Variants in FGF16 observed in about 807,000 individuals in gnomAD.
FGF16 encodes the protein metacarpal 4-5 fusion.
A neutral mutation model predicts 8.5 loss-of-function variants in FGF16; 2 were observed. That is an observed-to-expected ratio of 0.24 (90% CI 0.10 to 0.75). FGF16 has a LOEUF of 0.75. Among genes scored for constraint, FGF16 ranks in the 30% least tolerant of loss-of-function variants. The pLI is 0.74. For missense variants in FGF16, 79 were observed against 87.4 expected (o/e 0.90, Z 0.38); for synonymous variants, 33 against 34.6 (o/e 0.95, Z 0.16).
At chrX:77,451,166 C>A (rs1557026651) in intron 1 of FGF16, among the ~76,000 whole-genome samples, 2 of 111,708 alleles carry the variant, frequency 1.8e-5, no homozygotes, top group African/African-American at 6.5e-5. Flanking sequence ...TGGACACAAC[C>A]CAAGTGACTT....
Position 77,447,982 on chromosome X carries a change from G to T in FGF16, c.274+34G>T, listed in dbSNP as rs1034195160. 397 of 296,929 alleles carry T rather than the reference G, an allele frequency of 1.3e-3. 1 individual carries two copies. The highest frequency in any genetic ancestry group is 9.9e-3 in the African/African-American group (364 of 36,899). 24.5% of individuals were successfully genotyped at this position (296,929 alleles called of 1,213,427 possible). A position where few individuals can be genotyped will look rare whatever the true frequency, so the allele number is the denominator to read the frequency against. On this transcript the variant is annotated intron_variant, in intron 1 of 2. Transcript: ENST00000439435. ...GCGGTCGGGGGAACGGGAGGCGGGC[G>T]GACGGCGCACTGGGGAGCCCACAGC... is the stretch of plus-strand genomic sequence containing the variant.
At position 77,456,577 on chromosome X, in the gene FGF16, T is replaced by C; in HGVS notation, c.*55T>C. The C allele has an allele frequency of 9.2e-7, 1 of 1,087,667 alleles. No individual in the cohort carries two copies. Among genetic ancestry groups the C allele is most frequent in the South Asian group, 2.0e-5 (1 of 49,577 alleles). 89.6% of individuals were successfully genotyped at this position (1,087,667 alleles called of 1,213,427 possible). A position where few individuals can be genotyped will look rare whatever the true frequency, so the allele number is the denominator to read the frequency against. ...TGTACCCTGGGGCCACGGTTGTCTC[T>C]GCAAGCACTATATTCATAGCTTTTC... On this transcript the variant is annotated 3_prime_UTR_variant, in exon 3 of 3. Coordinates refer to ENST00000439435, the MANE Select transcript of FGF16 (RefSeq NM_003868.3).
At chrX:77,452,342 G>A (rs1224089113) in intron 1 of FGF16, among the ~76,000 whole-genome samples, 2 of 112,744 alleles carry the variant, frequency 1.8e-5, no homozygotes, top group African/African-American at 6.4e-5. Context: ...CAGTGCAGCT[G>A]AAGATTTGGT....
intron 2 of FGF16, among the ~76,000 whole-genome samples, 173 bp from the exon 3 acceptor site, chrX:77,456,104 A>C (rs2062570930): frequency 8.9e-6 from 1 of 112,485 alleles, no homozygotes; most frequent in African/African-American, 3.2e-5. Flanking sequence ...GGAGATACAG[A>C]CAAGAGTGTT....
chrX:77,454,351 T>G, intron 2 of FGF16, 91 bp downstream of exon 2: 1 of 493,757 alleles, frequency 2.0e-6, no homozygotes, highest in Non-Finnish European at 3.1e-6. Context: ...AGCAAAAGTA[T>G]AAAAATATTT....
At chrX:77,454,054 C>A in intron 1 of FGF16, 103 bp from the exon 2 acceptor site, 1 of 551,313 alleles carries the variant, frequency 1.8e-6, no homozygotes, top group Non-Finnish European at 3.1e-6. Flanking sequence ...GCACACAGGG[C>A]TGGCCTCCAG....
intron 2 of FGF16, among the ~76,000 whole-genome samples, chrX:77,454,904 C>A (rs2062568391): frequency 2.0e-5 from 2 of 100,769 alleles, no homozygotes; most frequent in African/African-American, 7.3e-5. Context: ...TCAAGTGATT[C>A]TCTTGCCTCA....
intron 1 of FGF16, among the ~76,000 whole-genome samples, chrX:77,451,875 A>G (rs1391888797): frequency 1.8e-5 from 2 of 112,436 alleles, no homozygotes; most frequent in African/African-American, 6.5e-5. Flanking sequence ...AATGCACAAG[A>G]ACACAAAATA....
chrX:77,451,376 G>A (rs2062556677), intron 1 of FGF16, among the ~76,000 whole-genome samples: 1 of 112,312 alleles, frequency 8.9e-6, no homozygotes, highest in African/African-American at 3.2e-5. Context: ...AGGGAACTCA[G>A]ACTTGAAGCT....
At chrX:77,449,658 G>T (rs1602276594) in intron 1 of FGF16, among the ~76,000 whole-genome samples, 1 of 111,722 alleles carries the variant, frequency 9.0e-6, no homozygotes, top group Non-Finnish European at 1.9e-5. Context: ...AACCTACAAG[G>T]TCAACATAAA....
At chrX:77,454,892 G>C (rs1557027004) in intron 2 of FGF16, among the ~76,000 whole-genome samples, 1 of 97,960 alleles carries the variant, frequency 1.0e-5, no homozygotes. Flanking sequence ...CACCTCCCCT[G>C]TTCAAGTGAT....
intron 1 of FGF16, among the ~76,000 whole-genome samples, chrX:77,449,697 C>T (rs1293804854): frequency 2.7e-5 from 3 of 111,740 alleles, no homozygotes; most frequent in Non-Finnish European, 3.8e-5. Context: ...GATAAGTGGT[C>T]TTTAATTACC....
At chrX:77,453,444 A>G (rs1277147399) in intron 1 of FGF16, among the ~76,000 whole-genome samples, 2 of 112,333 alleles carry the variant, frequency 1.8e-5, no homozygotes, top group Non-Finnish European at 3.8e-5. Context: ...ACAACATCTC[A>G]AATCAGTATT....
intron 1 of FGF16, among the ~76,000 whole-genome samples, chrX:77,449,876 G>T (rs1313127113): frequency 2.7e-5 from 3 of 112,005 alleles, no homozygotes; most frequent in African/African-American, 6.5e-5. Context: ...AACAACACTG[G>T]CTAAGAGCAC....
intron 2 of FGF16, among the ~76,000 whole-genome samples, chrX:77,454,571 C>T (rs2062567307): frequency 9.5e-6 from 1 of 104,861 alleles, no homozygotes; most frequent in Non-Finnish European, 2.0e-5. Context: ...AGGAGAATCA[C>T]TTGAACCTGG....
At chrX:77,452,845 A>G (rs948911662) in intron 1 of FGF16, among the ~76,000 whole-genome samples, 2 of 112,281 alleles carry the variant, frequency 1.8e-5, no homozygotes, top group Non-Finnish European at 3.8e-5. Flanking sequence ...TGGGAGGCCA[A>G]GGTGTGCAGA....
intron 2 of FGF16, among the ~76,000 whole-genome samples, chrX:77,454,780 C>T (rs1175975017): frequency 9.6e-6 from 1 of 104,124 alleles, no homozygotes; most frequent in Admixed American, 1.1e-4. Flanking sequence ...TTGGCCCCCA[C>T]CAAAACAAGC....
intron 1 of FGF16, among the ~76,000 whole-genome samples, chrX:77,449,865 A>G (rs2062551979): frequency 8.9e-6 from 1 of 112,241 alleles, no homozygotes; most frequent in Admixed American, 9.4e-5. Flanking sequence ...TTGAAAAAGA[A>G]AACAACACTG....
At position 77,456,672 on chromosome X, in the gene FGF16, T is replaced by A; in HGVS notation, c.*150T>A. The A allele has an allele frequency of 3.7e-6, 2 of 541,747 alleles. No homozygotes were observed. The highest frequency in any genetic ancestry group is 5.9e-6 in the Non-Finnish European group (2 of 339,236). 44.6% of individuals were successfully genotyped at this position (541,747 alleles called of 1,213,427 possible). A position where few individuals can be genotyped will look rare whatever the true frequency, so the allele number is the denominator to read the frequency against. On this transcript the variant is annotated 3_prime_UTR_variant, in exon 3 of 3. Transcript: ENST00000439435. ...GTTGAACTCAACCCAGCTGTTCCCT[T>A]GTTGTTCAAAGTGTATATCAAGGTT... is the stretch of plus-strand genomic sequence containing the variant.
Sources: gnomAD v4.1 joint callset for allele counts (sites outside exome capture counted in the v4.1 genomes callset) on GRCh38, gnomAD v4.1.1 for gene constraint, MANE v1.5 for transcripts, NCBI Gene and HGNC (gene_info 2026-07-23, HGNC 2026-07-21) for gene names.